Variants in CNTN4 observed in about 807,000 individuals in gnomAD.
CNTN4 encodes contactin-4.
CNTN4 carries 77 observed loss-of-function variants against 122.5 expected under a neutral mutation model. The ratio of observed to expected loss-of-function variants is 0.63; its 90% confidence interval spans 0.52 to 0.76. The LOEUF (loss-of-function observed/expected upper bound fraction) is 0.76. Ranked by LOEUF, CNTN4 falls within the 30% of genes least tolerant of loss-of-function variation. The probability of loss-of-function intolerance (pLI) is 0.00; values close to 1 mark genes in which losing one functional copy is unlikely to be tolerated. For synonymous variants in CNTN4, 512 were observed against 447.0 expected, an observed-to-expected ratio of 1.15 and a Z score of -1.83; for missense variants, 1,256 against 1,259.1, an observed-to-expected ratio of 1.00 and a Z score of 0.04.
At chr3:2,936,115 G>A (rs1042636631) in intron 13 of CNTN4, among the ~76,000 whole-genome samples, 3 of 152,174 alleles carry the variant, frequency 2.0e-5, no homozygotes, top group African/African-American at 4.8e-5. Context: ...TTGTCTTGGG[G>A]CTTCACACTT....
chr3:2,144,910 T>C (rs1461231939), intron 2 of CNTN4, among the ~76,000 whole-genome samples: 3 of 152,212 alleles, frequency 2.0e-5, no homozygotes, highest in Non-Finnish European at 2.9e-5. Flanking sequence ...TAAACAGGAA[T>C]ACACGAGCAG....
chr3:3,021,754 T>C (rs1331280483), intron 14 of CNTN4, among the ~76,000 whole-genome samples: 1 of 152,214 alleles, frequency 6.6e-6, no homozygotes, highest in Non-Finnish European at 1.5e-5. Context: ...ATTCGTATCC[T>C]GTGGACCCAA....
At chr3:2,384,763 T>TGTGTGTGC (rs1553637828) in intron 3 of CNTN4, among the ~76,000 whole-genome samples, 1 of 113,308 alleles carries the variant, frequency 8.8e-6, no homozygotes, top group Non-Finnish European at 2.0e-5. Flanking sequence ...AATGTGTGCG[T>TGTGTGTGC]GTGTGTGTGT....
chr3:2,858,720 GA>G (rs1320483473), intron 7 of CNTN4, among the ~76,000 whole-genome samples: 1 of 148,176 alleles, frequency 6.7e-6, no homozygotes, highest in Non-Finnish European at 1.5e-5. Flanking sequence ...AAAAAAAAAA[GA>G]AAAAGAAAAA....
At chr3:2,656,098 G>A (rs2083577505) in intron 4 of CNTN4, among the ~76,000 whole-genome samples, 1 of 152,218 alleles carries the variant, frequency 6.6e-6, no homozygotes, top group South Asian at 2.1e-4. Context: ...TGGCGAGAAT[G>A]TTGAAGAGTA....
chr3:2,838,409 T>C lies in CNTN4; in HGVS notation c.454+18828T>C, dbSNP rs139850159. On this transcript the variant is annotated intron_variant, in intron 7 of 24. Transcript: ENST00000418658. ...TTTCACATATAGTCTACCACATTCCTATTCCAATAGAAGCTGGGAAGCATT... is the reference window on the plus strand; with the variant it reads ...TTTCACATATAGTCTACCACATTCCCATTCCAATAGAAGCTGGGAAGCATT... Among the ~76,000 whole-genome samples the C allele has an allele frequency of 6.9e-3, 1,053 of 152,278 alleles. 6 individuals carry two copies. Among genetic ancestry groups the C allele is most frequent in the East Asian group, 0.022 (114 of 5,178 alleles).
chr3:3,026,292 CA>C lies in CNTN4; in HGVS notation c.1662+20del. On this transcript the variant is annotated intron_variant, in intron 15 of 24. Coordinates refer to ENST00000418658, the MANE Select transcript of CNTN4 (RefSeq NM_175607.3). ...GAGTTGGAGGGGTAAGTATTAATAG[CA>C]AAAACTGACTCAAACTAACTTGTTT... The C allele has an allele frequency of 6.2e-7, 1 of 1,608,416 alleles. No homozygotes were observed. Among genetic ancestry groups the C allele is most frequent in the Admixed American group, 1.7e-5 (1 of 59,926 alleles).
chr3:2,509,521 C>G (rs1399705902), intron 3 of CNTN4, among the ~76,000 whole-genome samples: 1 of 152,142 alleles, frequency 6.6e-6, no homozygotes, highest in Non-Finnish European at 1.5e-5. Flanking sequence ...TTACCATTAA[C>G]TATTGGTAAT....
intron 3 of CNTN4, among the ~76,000 whole-genome samples, chr3:2,473,760 C>T (rs757165036): frequency 1.6e-4 from 25 of 152,116 alleles, no homozygotes; most frequent in Non-Finnish European, 3.2e-4. Context: ...TGACTGTAAT[C>T]CCAGCACTTT....
At chr3:2,814,444 C>G (rs1382827884) in intron 6 of CNTN4, among the ~76,000 whole-genome samples, 1 of 151,986 alleles carries the variant, frequency 6.6e-6, no homozygotes, top group Non-Finnish European at 1.5e-5. Context: ...TGTTTATTTT[C>G]TCCTTGTTCA....
intron 2 of CNTN4, among the ~76,000 whole-genome samples, chr3:2,216,292 A>C (rs2038838360): frequency 6.6e-6 from 1 of 152,194 alleles, no homozygotes; most frequent in African/African-American, 2.4e-5. Context: ...AGAACAGAAA[A>C]CCAAATACCA....
At chr3:2,845,979 G>A (rs2093449063) in intron 7 of CNTN4, among the ~76,000 whole-genome samples, 1 of 152,190 alleles carries the variant, frequency 6.6e-6, no homozygotes, top group African/African-American at 2.4e-5. Flanking sequence ...TGTGATCATA[G>A]AGATGCCATT....
At chr3:2,944,252 A>G (rs1297557704) in intron 13 of CNTN4, among the ~76,000 whole-genome samples, 7 of 152,124 alleles carry the variant, frequency 4.6e-5, no homozygotes, top group East Asian at 1.9e-4. Context: ...TTTTATATTA[A>G]CAGCAACATT....
intron 7 of CNTN4, among the ~76,000 whole-genome samples, chr3:2,859,137 A>C (rs1256081056): frequency 6.6e-6 from 1 of 152,212 alleles, no homozygotes; most frequent in East Asian, 1.9e-4. Context: ...GTGATTCCAC[A>C]TGTGAGTGAG....
chr3:2,423,075 C>G (rs571757176), intron 3 of CNTN4, among the ~76,000 whole-genome samples: 2 of 152,174 alleles, frequency 1.3e-5, no homozygotes, highest in Non-Finnish European at 2.9e-5. Context: ...GAATGAACTT[C>G]AACAGTGATG....
chr3:2,355,506 G>A (rs1322522859), intron 3 of CNTN4, among the ~76,000 whole-genome samples: 1 of 152,180 alleles, frequency 6.6e-6, no homozygotes, highest in Admixed American at 6.5e-5. Context: ...GCTTTGTTCA[G>A]GTCAGGAGCA....
intron 2 of CNTN4, among the ~76,000 whole-genome samples, chr3:2,302,741 A>G (rs1397698473): frequency 3.3e-5 from 5 of 152,180 alleles, no homozygotes; most frequent in Non-Finnish European, 7.3e-5. Flanking sequence ...TGCTAAGGTG[A>G]TATTGATCAC....
At chr3:2,562,542 C>A (rs1383229881) in intron 3 of CNTN4, among the ~76,000 whole-genome samples, 1 of 152,126 alleles carries the variant, frequency 6.6e-6, no homozygotes, top group Non-Finnish European at 1.5e-5. Flanking sequence ...CATCCATCTT[C>A]CTGCAAAGAA....
chr3:2,894,300 T>TG, intron 10 of CNTN4, among the ~76,000 whole-genome samples: 1 of 152,154 alleles, frequency 6.6e-6, no homozygotes, highest in African/African-American at 2.4e-5. Context: ...GGACCTACAA[T>TG]GGTTCTTAGA....
Sources: allele counts gnomAD v4.1 joint callset (sites outside exome capture counted in the v4.1 genomes callset), GRCh38; gene constraint gnomAD v4.1.1; transcripts MANE v1.5; gene names NCBI Gene and HGNC (gene_info 2026-07-23, HGNC 2026-07-21).